The following SLC7A7 variants were observed in gnomAD, a reference collection of about 807,000 sequenced individuals.
The protein encoded by SLC7A7 is solute carrier family 7 member 7.
Under a neutral mutation model 47.9 loss-of-function variants are expected in SLC7A7, and 39 were observed. The observed-to-expected ratio is 0.81, with a 90% CI of 0.63 to 1.06. The LOEUF (loss-of-function observed/expected upper bound fraction) is 1.06, where lower values mean the gene tolerates loss of function less well. Among genes scored for constraint, SLC7A7 ranks in the 50% least tolerant of loss-of-function variants. The pLI, the probability that SLC7A7 is intolerant of heterozygous loss-of-function variation, is 0.00. For synonymous variants in SLC7A7, 234 were observed against 242.8 expected (o/e 0.96, Z 0.34); for missense variants, 588 against 632.0 (o/e 0.93, Z 0.75).
Position 22,774,005 on chromosome 14 carries a change from C to A in SLC7A7, c.1357G>T (p.Gly453Cys). Residue 453 changes from glycine (G) to cysteine (C), a missense_variant, in exon 9 of 10, where the codon GGC (glycine) becomes TGC (cysteine). By Grantham distance (159) the Gly-to-Cys change is radical. Transcript: ENST00000674313. ...SLIGIAIALS[G>C]LPFYFLIIRV... ...ATGATGAGGAAGTAAAAGGGCAGGCCTGAGAGGGCAATGGCAATGCCGATG... is the reference window on the plus strand; with the variant it reads ...ATGATGAGGAAGTAAAAGGGCAGGCATGAGAGGGCAATGGCAATGCCGATG... 1.2e-6 allele frequency: 2 copies of A among 1,614,142 alleles called. No homozygotes were observed. Among genetic ancestry groups the A allele is most frequent in the Non-Finnish European group, 1.7e-6 (2 of 1,180,050 alleles).
At chr14:22,806,776 G>C (rs2039216986) in intron 2 of SLC7A7, among the ~76,000 whole-genome samples, 1 of 152,132 alleles carries the variant, frequency 6.6e-6, no homozygotes, top group African/African-American at 2.4e-5. Flanking sequence ...AGCCACTGGA[G>C]GATTTTAAAC....
chr14:22,773,766 G>T, intron 9 of SLC7A7, 50 bp from the exon 10 acceptor site: 2 of 1,587,668 alleles, frequency 1.3e-6, no homozygotes, highest in Non-Finnish European at 1.7e-6. Flanking sequence ...GCTGGGCTGA[G>T]TTCAAGTGTC....
At chr14:22,803,421 A>AAAAAAG in intron 2 of SLC7A7, among the ~76,000 whole-genome samples, 1 of 152,302 alleles carries the variant, frequency 6.6e-6, no homozygotes, top group Non-Finnish European at 1.5e-5. Context: ...CCATCTCAAA[A>AAAAAAG]AAAAAGAAAA....
At chr14:22,815,702 TATCTGTAGCC>T, upstream of SLC7A7, 1 of 453,788 alleles carries the variant, frequency 2.2e-6, no homozygotes, top group Non-Finnish European at 4.4e-6. Context: ...CTGAGTGCAG[TATCTGTAGCC>T]CTGGGGAAGC....
intron 7 of SLC7A7, 104 bp downstream of exon 7, chr14:22,775,340 A>T: frequency 2.1e-6 from 2 of 959,802 alleles, no homozygotes; most frequent in South Asian, 1.3e-5. Flanking sequence ...TAGTTTTTCT[A>T]TTGGAATCTT....
In SLC7A7 at chr14:22,815,370, A is replaced by G. The variant is rs1404398619; in HGVS notation, c.-93T>C. ...TCTCACGGCAGTGTGAGCAGCAGTC[A>G]GGGAGAGAAGTGCCTTCCAGGATCT... On this transcript the variant is annotated 5_prime_UTR_variant, in exon 1 of 10. Transcript: ENST00000674313. 1.1e-5 allele frequency: 5 copies of G among 454,432 alleles called. No individual in the cohort carries two copies. The highest frequency in any genetic ancestry group is 2.2e-5 in the Non-Finnish European group (5 of 226,796). The allele number at this position is 454,432 out of a possible 1,614,324, so 28.1% of individuals were successfully genotyped here. A position where few individuals can be genotyped will look rare whatever the true frequency, so the allele number is the denominator to read the frequency against.
intron 2 of SLC7A7, among the ~76,000 whole-genome samples, chr14:22,806,408 T>C (rs2039210588): frequency 6.6e-6 from 1 of 151,550 alleles, no homozygotes; most frequent in Admixed American, 6.6e-5. Flanking sequence ...TATCGACCTC[T>C]TTTTTTAGGT....
At chr14:22,782,102 ATTTTTC>A (rs1440955039) in intron 2 of SLC7A7, among the ~76,000 whole-genome samples, 1 of 151,492 alleles carries the variant, frequency 6.6e-6, no homozygotes, top group African/African-American at 2.4e-5. Flanking sequence ...TATTTTATTT[ATTTTTC>A]TTTTTCTTTT....
Position 22,782,338 on chromosome 14 carries a change from G to A in SLC7A7, c.500-2287C>T, listed in dbSNP as rs564448802. On this transcript the variant is annotated intron_variant, in intron 2 of 9. Transcript: ENST00000674313. Reference sequence around the variant, plus strand: ...GGCTTGTCGCAAACTCCTGACCTGAGGTGATCCACCCACCTCAGCCTCCCA... The same window carrying A: ...GGCTTGTCGCAAACTCCTGACCTGAAGTGATCCACCCACCTCAGCCTCCCA... 2.0e-5 allele frequency among the ~76,000 whole-genome samples: 3 copies of A among 151,866 alleles called. No individual in the cohort carries two copies. The South Asian group carries it at 6.2e-4, about 32-fold the overall frequency.
upstream of SLC7A7, among the ~76,000 whole-genome samples, chr14:22,818,208 A>T (rs1176083052): frequency 1.3e-5 from 2 of 152,152 alleles, no homozygotes; most frequent in African/African-American, 4.8e-5. Context: ...GACTGGTAGC[A>T]TCTGAAAAGT....
intron 2 of SLC7A7, among the ~76,000 whole-genome samples, chr14:22,786,059 G>A (rs972944090): frequency 6.8e-6 from 1 of 146,558 alleles, no homozygotes; most frequent in Non-Finnish European, 1.5e-5. Context: ...AGTGGCTCAC[G>A]CCTGTAATCT....
intron 2 of SLC7A7, among the ~76,000 whole-genome samples, chr14:22,801,420 G>A (rs1409641078): frequency 6.6e-6 from 1 of 152,134 alleles, no homozygotes; most frequent in Non-Finnish European, 1.5e-5. Context: ...TAAATGCCTA[G>A]GTTAGGACTG....
chr14:22,808,961 T>C (rs910503596), intron 2 of SLC7A7, among the ~76,000 whole-genome samples: 1 of 152,220 alleles, frequency 6.6e-6, no homozygotes, highest in Admixed American at 6.5e-5. Flanking sequence ...CACAACAGCC[T>C]GGAATTAAAC....
At chr14:22,792,063 C>T (rs1443005083) in intron 2 of SLC7A7, among the ~76,000 whole-genome samples, 1 of 152,030 alleles carries the variant, frequency 6.6e-6, no homozygotes, top group Non-Finnish European at 1.5e-5. Context: ...TCTCAATTTC[C>T]TGACCCCGTG....
At chr14:22,791,514 T>C (rs2038923423) in intron 2 of SLC7A7, among the ~76,000 whole-genome samples, 1 of 152,174 alleles carries the variant, frequency 6.6e-6, no homozygotes, top group Admixed American at 6.6e-5. Flanking sequence ...TAGGCTTAAT[T>C]GGTGTGAGCA....
chr14:22,773,420 G>T lies in SLC7A7; in HGVS notation c.*190C>A. Reference sequence around the variant, plus strand: ...GTCACCTTCATTGTCCCCTTTAAAAGTCTGGAACAGTATGTAGCAAAACAA... The same window carrying T: ...GTCACCTTCATTGTCCCCTTTAAAATTCTGGAACAGTATGTAGCAAAACAA... On this transcript the variant is annotated 3_prime_UTR_variant, in exon 10 of 10. Transcript: ENST00000674313. 1.5e-6 allele frequency: 1 copy of T among 679,498 alleles called. No individual in the cohort carries two copies. The allele number at this position is 679,498 out of a possible 1,614,324, so 42.1% of individuals were successfully genotyped here.
At chr14:22,817,821 G>C (rs936416286), upstream of SLC7A7, among the ~76,000 whole-genome samples, 17 of 152,066 alleles carry the variant, frequency 1.1e-4, no homozygotes, top group Non-Finnish European at 2.2e-4. Flanking sequence ...AATTACCTGG[G>C]GGAAGATGTA....
intron 2 of SLC7A7, among the ~76,000 whole-genome samples, chr14:22,805,108 C>G (rs2039178537): frequency 7.9e-6 from 1 of 127,204 alleles, no homozygotes; most frequent in Admixed American, 8.7e-5. Flanking sequence ...TGGCTCATGC[C>G]TGTAATCCCA....
At chr14:22,799,229 A>G (rs2039067778) in intron 2 of SLC7A7, among the ~76,000 whole-genome samples, 1 of 152,090 alleles carries the variant, frequency 6.6e-6, no homozygotes, top group Non-Finnish European at 1.5e-5. Context: ...ACAGGTAGTC[A>G]TTCATTCCTT....
Sources: gnomAD v4.1 joint callset for allele counts (sites outside exome capture counted in the v4.1 genomes callset) on GRCh38, gnomAD v4.1.1 for gene constraint, MANE v1.5 for transcripts, NCBI Gene and HGNC (gene_info 2026-07-23, HGNC 2026-07-21) for gene names.